The following TRPC4 variants were observed in gnomAD, a reference collection of about 807,000 sequenced individuals.
TRPC4 encodes short transient receptor potential channel 4.
Under a neutral mutation model 99.4 loss-of-function variants are expected in TRPC4, and 49 were observed. The observed-to-expected ratio is 0.49, with a 90% confidence interval of 0.39 to 0.63. TRPC4 has a LOEUF of 0.63. Ranked by LOEUF, TRPC4 falls within the 20% of genes least tolerant of loss-of-function variation. TRPC4 has a pLI of 0.00. For synonymous variants in TRPC4, 454 were observed against 425.9 expected (o/e 1.07, Z -0.81); for missense variants, 898 against 1,152.9 (o/e 0.78, Z 3.20).
chr13:37,808,262 G>GA (rs1566185842), intron 1 of TRPC4, among the ~76,000 whole-genome samples: 1 of 152,042 alleles, frequency 6.6e-6, no homozygotes, highest in African/African-American at 2.4e-5. Flanking sequence ...AAATTGAAAA[G>GA]AAAATGATAG....
chr13:37,858,532 C>T (rs9532130), intron 1 of TRPC4, among the ~76,000 whole-genome samples: 80,367 of 151,292 alleles, frequency 0.53, 21,789 homozygotes, highest in East Asian at 0.6. Flanking sequence ...CCTAAGTATC[C>T]GTCAACAGAT....
intron 1 of TRPC4, among the ~76,000 whole-genome samples, chr13:37,791,792 T>C (rs1957126278): frequency 6.6e-6 from 1 of 151,952 alleles, no homozygotes; most frequent in Non-Finnish European, 1.5e-5. Flanking sequence ...ACATGAGAAA[T>C]GATAAAATGC....
At chr13:37,729,285 C>T (rs758306966) in intron 3 of TRPC4, among the ~76,000 whole-genome samples, 4 of 152,018 alleles carry the variant, frequency 2.6e-5, no homozygotes, top group Non-Finnish European at 4.4e-5. Flanking sequence ...GAGATGCACC[C>T]TCACACTCGT....
chr13:37,807,531 C>A (rs9566257), intron 1 of TRPC4, among the ~76,000 whole-genome samples: 19,021 of 151,952 alleles, frequency 0.13, 1,668 homozygotes, highest in East Asian at 0.27. Flanking sequence ...ATCTTTTTAA[C>A]AGAAATAAAT....
intron 1 of TRPC4, among the ~76,000 whole-genome samples, chr13:37,863,748 C>T (rs540295652): frequency 1.3e-5 from 2 of 151,764 alleles, no homozygotes; most frequent in African/African-American, 4.8e-5. Flanking sequence ...CTCATCCCTC[C>T]ATTGTGTTTT....
At chr13:37,688,072 G>T (rs1953550559) in intron 4 of TRPC4, among the ~76,000 whole-genome samples, 1 of 152,120 alleles carries the variant, frequency 6.6e-6, no homozygotes, top group African/African-American at 2.4e-5. Context: ...ATATAATAAA[G>T]TTCATCCTGA....
At chr13:37,797,948 A>G (rs1450410511) in intron 1 of TRPC4, among the ~76,000 whole-genome samples, 1 of 152,126 alleles carries the variant, frequency 6.6e-6, no homozygotes, top group Admixed American at 6.5e-5. Flanking sequence ...ACTCTTAAAT[A>G]CTCATCCCAG....
rs901150493 is a variant in TRPC4 at position 37,664,588 on chromosome 13, A to G, written c.1375-859T>C. Reference sequence around the variant, plus strand: ...AAACTCCATCTCAAAAGAAAAAAAAAGGGTCAAATATGCTCTTTTAGATAT... The same window carrying G: ...AAACTCCATCTCAAAAGAAAAAAAAGGGGTCAAATATGCTCTTTTAGATAT... On this transcript the variant is annotated intron_variant, in intron 5 of 10. Coordinates refer to ENST00000379705, the MANE Select transcript of TRPC4 (RefSeq NM_016179.4). 3.3e-5 allele frequency among the ~76,000 whole-genome samples: 5 copies of G among 151,784 alleles called. 1 individual carries two copies. The highest frequency in any genetic ancestry group is 3.2e-3 in the Middle Eastern group (1 of 316).
chr13:37,693,182 C>A (rs1271864812), intron 3 of TRPC4, among the ~76,000 whole-genome samples: 1 of 151,648 alleles, frequency 6.6e-6, no homozygotes, highest in African/African-American at 2.4e-5. Flanking sequence ...TTTTCTCAAC[C>A]TTTCTCATTG....
At chr13:37,842,403 T>A (rs1958769958) in intron 1 of TRPC4, among the ~76,000 whole-genome samples, 1 of 144,758 alleles carries the variant, frequency 6.9e-6, no homozygotes, top group Non-Finnish European at 1.5e-5. Flanking sequence ...GGGGCAGATC[T>A]TAGAATAAAC....
chr13:37,652,429 T>C (rs1187012863), intron 7 of TRPC4, among the ~76,000 whole-genome samples: 1 of 152,210 alleles, frequency 6.6e-6, no homozygotes, highest in Non-Finnish European at 1.5e-5. Context: ...CTGCGCAACA[T>C]GGGTTTAATC....
Position 37,651,256 on chromosome 13 carries a change from T to TC in TRPC4, c.2079+8_2079+9insG. 2 of 1,614,016 alleles carry TC rather than the reference T, an allele frequency of 1.2e-6. No individual in the cohort carries two copies. Among genetic ancestry groups the TC allele is most frequent in the African/African-American group, 2.7e-5 (2 of 75,072 alleles). On this transcript the variant is annotated intron_variant, in intron 8 of 10. Coordinates refer to ENST00000379705, the MANE Select transcript of TRPC4 (RefSeq NM_016179.4). ...AAAAAAGAGTAATACTAACATGCTG[T>TC]GTTCTTACCCCTATTGTTCCAAAAC...
intron 3 of TRPC4, among the ~76,000 whole-genome samples, chr13:37,738,332 T>C (rs1008509007): frequency 2.0e-5 from 3 of 152,174 alleles, no homozygotes; most frequent in Non-Finnish European, 2.9e-5. Context: ...CCAAATTTCT[T>C]CATGCAAAGT....
At chr13:37,665,668 T>C (rs1017147904) in intron 5 of TRPC4, among the ~76,000 whole-genome samples, 1 of 152,092 alleles carries the variant, frequency 6.6e-6, no homozygotes, top group Admixed American at 6.5e-5. Flanking sequence ...AGAGATGATG[T>C]ATTGTCAAAG....
intron 2 of TRPC4, among the ~76,000 whole-genome samples, chr13:37,757,819 G>C (rs75603716): frequency 6.6e-6 from 1 of 151,870 alleles, no homozygotes; most frequent in African/African-American, 2.4e-5. Context: ...CAAATGATGA[G>C]TCTGTGCACT....
chr13:37,835,423 C>T (rs1226149574), intron 1 of TRPC4, among the ~76,000 whole-genome samples: 2 of 152,210 alleles, frequency 1.3e-5, no homozygotes, highest in Non-Finnish European at 2.9e-5. Context: ...TCTTGTCCAA[C>T]ATCTTGCTAC....
At chr13:37,674,152 T>A (rs1462058018) in intron 5 of TRPC4, 76 bp downstream of exon 5, 1 of 1,349,602 alleles carries the variant, frequency 7.4e-7, no homozygotes, top group Non-Finnish European at 9.7e-7. Context: ...ACTTTATTAA[T>A]AAAATTAATA....
chr13:37,809,107 A>G (rs1320897430), intron 1 of TRPC4, among the ~76,000 whole-genome samples: 2 of 152,150 alleles, frequency 1.3e-5, no homozygotes, highest in Non-Finnish European at 2.9e-5. Flanking sequence ...TAATATTTTA[A>G]TGACAACTTT....
rs955752354 is a variant in TRPC4 at position 37,646,050 on chromosome 13, C to T, written c.2079+5215G>A. Among the ~76,000 whole-genome samples the T allele has an allele frequency of 5.3e-5, 8 of 152,176 alleles. 1 individual carries two copies. The highest frequency in any genetic ancestry group is 1.4e-4 in the African/African-American group (6 of 41,442). On this transcript the variant is annotated intron_variant, in intron 8 of 10. Transcript: ENST00000379705. ...TAGGGAGCGATACATTTTGACAAAT[C>T]GCCACTATAAATGAAGTCTGAGAGG...
Sources: allele counts gnomAD v4.1 joint callset (sites outside exome capture counted in the v4.1 genomes callset), GRCh38; gene constraint gnomAD v4.1.1; transcripts MANE v1.5; gene names NCBI Gene and HGNC (gene_info 2026-07-23, HGNC 2026-07-21).